The following USP45 variants were observed in gnomAD, a reference collection of about 807,000 sequenced individuals.
USP45 encodes the protein ubiquitin carboxyl-terminal hydrolase 45.
USP45 carries 89 observed loss-of-function variants against 95.8 expected under a neutral mutation model. The observed-to-expected ratio is 0.93, with a 90% confidence interval of 0.78 to 1.11. USP45 has a LOEUF of 1.11. USP45 is among the 50% of genes least tolerant of loss of function. The pLI, the probability that USP45 is intolerant of heterozygous loss-of-function variation, is 0.00. For missense variants in USP45, 898 were observed against 942.5 expected, an observed-to-expected ratio of 0.95 and a Z score of 0.62; for synonymous variants, 281 against 316.2, an observed-to-expected ratio of 0.89 and a Z score of 1.18.
At chr6:99,504,400 A>G (rs1798063988) in intron 4 of USP45, among the ~76,000 whole-genome samples, 1 of 152,144 alleles carries the variant, frequency 6.6e-6, no homozygotes, top group Non-Finnish European at 1.5e-5. Context: ...TCGGCCTCCC[A>G]AAGTATTGGG....
chr6:99,507,537 G>A lies in USP45; in HGVS notation c.274-6C>T. 1.3e-6 allele frequency: 2 copies of A among 1,574,726 alleles called. No homozygotes were observed. Among genetic ancestry groups the A allele is most frequent in the Middle Eastern group, 1.7e-4 (1 of 5,972 alleles). On this transcript the variant is annotated splice_region_variant and splice_polypyrimidine_tract_variant and intron_variant, in intron 3 of 17. Coordinates refer to ENST00000500704, the MANE Select transcript of USP45 (RefSeq NM_001346022.3). ...TCTGAGTTTTTACCACATCCCTGAA[G>A]ATGAACAGAATTTTATTTTGTATGA...
intron 6 of USP45, 69 bp from the exon 7 acceptor site, chr6:99,488,364 C>A: frequency 9.9e-7 from 1 of 1,013,170 alleles, no homozygotes; most frequent in Admixed American, 2.8e-5. Flanking sequence ...GGAATACACT[C>A]TCAAATTTCA....
chr6:99,441,247 C>A (rs1411982449), intron 15 of USP45, among the ~76,000 whole-genome samples: 1 of 151,986 alleles, frequency 6.6e-6, no homozygotes, highest in African/African-American at 2.4e-5. Context: ...TAAAACATTA[C>A]TCGGCCGGGC....
chr6:99,462,210 T>A (rs1361110487), intron 13 of USP45: 24 of 977,552 alleles, frequency 2.5e-5, no homozygotes, highest in Non-Finnish European at 2.8e-5. Context: ...ATGAAAAAAA[T>A]TTTCAATAAA....
intron 8 of USP45, among the ~76,000 whole-genome samples, chr6:99,479,711 T>C (rs1488947965): frequency 6.6e-6 from 1 of 152,094 alleles, no homozygotes; most frequent in Non-Finnish European, 1.5e-5. Flanking sequence ...ATTGGGAATT[T>C]CCTCAACCTG....
intron 9 of USP45, among the ~76,000 whole-genome samples, chr6:99,472,776 A>T (rs555404221): frequency 4.9e-4 from 75 of 152,350 alleles, no homozygotes; most frequent in Non-Finnish European, 8.8e-4. Context: ...TTTTACAAAT[A>T]GTAAAATAAT....
intron 14 of USP45, 74 bp downstream of exon 14, chr6:99,445,723 A>G: frequency 8.7e-7 from 1 of 1,148,996 alleles, no homozygotes; most frequent in Non-Finnish European, 1.2e-6. Flanking sequence ...TTCTCAGTAA[A>G]ATTCTCAGTG....
At chr6:99,445,393 T>G (rs188988464) in intron 14 of USP45, among the ~76,000 whole-genome samples, 4 of 150,916 alleles carry the variant, frequency 2.7e-5, no homozygotes, top group East Asian at 3.9e-4. Context: ...TGAGGCAGAA[T>G]AATCGCTTGA....
rs1779879138 is a variant in USP45, at chr6:99,432,614, T to C, written c.*3102A>G. ...GTCATCTTTTAAACATTTGAATTCA[T>C]GATTTCTACGTAAACAAAAACATCA... On this transcript the variant is annotated 3_prime_UTR_variant, in exon 18 of 18. Coordinates refer to ENST00000500704, the MANE Select transcript of USP45 (RefSeq NM_001346022.3). 6.6e-6 allele frequency: 1 copy of C among 152,150 alleles called. No individual in the cohort carries two copies. Among genetic ancestry groups the C allele is most frequent in the South Asian group, 2.1e-4 (1 of 4,830 alleles). 9.4% of individuals were successfully genotyped at this position (152,150 alleles called of 1,614,324 possible).
At chr6:99,464,359 T>C (rs1787344213) in intron 13 of USP45, among the ~76,000 whole-genome samples, 1 of 152,190 alleles carries the variant, frequency 6.6e-6, no homozygotes, top group Non-Finnish European at 1.5e-5. Flanking sequence ...CATTGAAGTA[T>C]ATGATATATT....
intron 3 of USP45, 94 bp downstream of exon 3, chr6:99,508,516 C>T: frequency 8.3e-7 from 1 of 1,210,438 alleles, no homozygotes. Context: ...ATAAATTTAT[C>T]TTAACTCCTA....
chr6:99,476,081 A>C, intron 9 of USP45, 62 bp downstream of exon 9: 1 of 1,502,468 alleles, frequency 6.7e-7, no homozygotes, highest in Non-Finnish European at 9.2e-7. Context: ...GCCCCCCAAT[A>C]ATCCCTTAGT....
intron 3 of USP45, 29 bp from the exon 4 acceptor site, chr6:99,507,560 T>C (rs1279150210): frequency 1.7e-5 from 24 of 1,396,680 alleles, no homozygotes; most frequent in East Asian, 2.3e-5. Flanking sequence ...TTATTTTGTA[T>C]GACTTACAAA....
At chr6:99,435,884 AT>A in intron 17 of USP45, 38 bp from the exon 18 acceptor site, 1 of 1,586,740 alleles carries the variant, frequency 6.3e-7, no homozygotes, top group Non-Finnish European at 8.6e-7. Flanking sequence ...TAAAGTAAGT[AT>A]GCTTTAGGTT....
rs140450698 is a variant in USP45 at position 99,485,720 on chromosome 6, G to C, written c.714+2480C>G. Among the ~76,000 whole-genome samples, 448 of 152,246 alleles carry C rather than the reference G, an allele frequency of 2.9e-3. 3 individuals carry two copies. Among genetic ancestry groups the C allele is most frequent in the African/African-American group, 0.01 (434 of 41,538 alleles). On this transcript the variant is annotated intron_variant, in intron 7 of 17. Transcript: ENST00000500704. ...AAAGAATATTTTCATTAAATAAAAA[G>C]TTTTCCACACACACTGTTGATATGC...
rs781404290 is a variant in USP45 at position 99,464,676 on chromosome 6, G to C, written c.1236C>G (p.Tyr412Ter). 4.3e-6 allele frequency: 7 copies of C among 1,612,890 alleles called. No individual in the cohort carries two copies. The highest frequency in any genetic ancestry group is 1.7e-5 in the Admixed American group (1 of 59,970). Residue 412 changes from tyrosine (Y) to a stop codon, truncating the protein, a stop_gained, in exon 13 of 18, where the codon TAC becomes TAG. Transcript: ENST00000500704. LOFTEE classifies it high-confidence loss of function. The stretch of plus-strand genomic sequence containing the variant: ...TATTTTCTATAGTAACATTGCCACT[G>C]TATCGATCATGATCTGTCTCCCGTA... The part of the protein sequence containing the change: ...RSLRETDHDR[Y>*]SGNVTIENIH...
rs1368696235 is a variant in USP45, at chr6:99,433,523, A to G, written c.*2193T>C. ...AATTTAACATGCTTTCTCTGTTACAAAAGCTATCTTTAGGAAATTCTTAAG... is the reference window on the plus strand; with the variant it reads ...AATTTAACATGCTTTCTCTGTTACAGAAGCTATCTTTAGGAAATTCTTAAG... On this transcript the variant is annotated 3_prime_UTR_variant, in exon 18 of 18. Transcript: ENST00000500704. The G allele has an allele frequency of 5.9e-5, 9 of 152,614 alleles. 1 individual carries two copies. The highest frequency in any genetic ancestry group is 1.5e-5 in the Non-Finnish European group (1 of 68,040). 9.5% of individuals were successfully genotyped at this position (152,614 alleles called of 1,614,324 possible). A position where few individuals can be genotyped will look rare whatever the true frequency, so the allele number is the denominator to read the frequency against.
chr6:99,477,354 A>C (rs1303536517), intron 8 of USP45, among the ~76,000 whole-genome samples: 3 of 152,166 alleles, frequency 2.0e-5, no homozygotes, highest in Non-Finnish European at 4.4e-5. Flanking sequence ...CCTAGGCTGG[A>C]GTGCAGTGGC....
In USP45 at chr6:99,445,713, T is replaced by G. The variant is rs578255871; in HGVS notation, c.1975+84A>C. The G allele has an allele frequency of 3.8e-6, 4 of 1,050,196 alleles. No homozygotes were observed. In the African/African-American group the frequency reaches 4.8e-5, roughly 13 times the overall value. 65.1% of individuals were successfully genotyped at this position (1,050,196 alleles called of 1,614,324 possible). ...AAGTAACACAAGTATAGGGACAAGA[T>G]TCTCAGTAAAATTCTCAGTGAAATT... On this transcript the variant is annotated intron_variant, in intron 14 of 17. Transcript: ENST00000500704.
Sources: allele counts gnomAD v4.1 joint callset (sites outside exome capture counted in the v4.1 genomes callset), GRCh38; gene constraint gnomAD v4.1.1; transcripts MANE v1.5; gene names NCBI Gene and HGNC (gene_info 2026-07-23, HGNC 2026-07-21).